Variants in MDK observed in about 807,000 individuals in gnomAD.
MDK encodes midkine, also known as amphiregulin-associated protein.
A neutral mutation model predicts 18.9 loss-of-function variants in MDK; 17 were observed. The ratio of observed to expected loss-of-function variants is 0.90; its 90% CI spans 0.62 to 1.35. The LOEUF (loss-of-function observed/expected upper bound fraction) is 1.35. Among genes scored for constraint, MDK ranks in the 40% most tolerant of loss-of-function variants. The pLI is 0.00. For synonymous variants in MDK, 86 were observed against 74.3 expected (o/e 1.16, Z -0.81); for missense variants, 180 against 186.3 (o/e 0.97, Z 0.20).
At chr11:46,381,424 G>A (rs1230921802), upstream of MDK, 1 of 152,424 alleles carries the variant, frequency 6.6e-6, no homozygotes, top group African/African-American at 2.4e-5. Context: ...GCCCGGGGTC[G>A]GGAGACCACC....
In MDK at chr11:46,382,068, G is replaced by C. The variant is rs79709296; in HGVS notation, c.11G>C (p.Arg4Pro). Reference sequence around the variant, plus strand: ...GGCTCTCCCCTCAGGATGCAGCACCGAGGCTTCCTCCTCCTCACCCTCCTC... The same window carrying C: ...GGCTCTCCCCTCAGGATGCAGCACCCAGGCTTCCTCCTCCTCACCCTCCTC... The part of the protein sequence containing the change: MQH[R>P]GFLLLTLLAL... The change falls in exon 2 of 5, where the codon CGA becomes CCA. Residue 4 changes from arginine to proline, a missense_variant. Arg to Pro is a moderately radical substitution (Grantham distance 103, BLOSUM62 -2). Transcript: ENST00000395566. The C allele has an allele frequency of 1.2e-6, 2 of 1,608,364 alleles. No homozygotes were observed. The highest frequency in any genetic ancestry group is 2.7e-5 in the African/African-American group (2 of 74,846).
chr11:46,381,084 A>C (rs1400684478), upstream of MDK: 2 of 152,290 alleles, frequency 1.3e-5, no homozygotes, highest in Admixed American at 1.3e-4. Context: ...CCGGAAAGGC[A>C]CTGGGCGACC....
intron 2 of MDK, 69 bp downstream of exon 2, chr11:46,382,202 G>T: frequency 6.2e-7 from 1 of 1,604,700 alleles, no homozygotes; most frequent in Non-Finnish European, 8.5e-7. Flanking sequence ...GGGCTGGGCC[G>T]CCTGGGTTCC....
At chr11:46,383,140 G>T (rs115118803) in intron 4 of MDK, 12 of 413,732 alleles carry the variant, frequency 2.9e-5, no homozygotes, top group African/African-American at 4.0e-5. Context: ...CAGCTCACTC[G>T]TGACTCAGCC....
In MDK at chr11:46,381,720, C is replaced by T. The variant is rs1006151730; in HGVS notation, c.-40C>T. 1.3e-4 allele frequency: 22 copies of T among 173,066 alleles called. No homozygotes were observed. Among genetic ancestry groups the T allele is most frequent in the African/African-American group, 5.2e-4 (21 of 40,172 alleles). 10.7% of individuals were successfully genotyped at this position (173,066 alleles called of 1,614,324 possible). On this transcript the variant is annotated 5_prime_UTR_variant, in exon 1 of 5. Transcript: ENST00000395566. ...CGCGGCGGCCGGAGCGGGACGGGCC[C>T]GGCGCGGGAGGGAGCGAAGCAGCGC...
Position 46,382,704 on chromosome 11 carries a change from G to C in MDK, c.362G>C (p.Arg121Pro), listed in dbSNP as rs779539645. The part of the protein sequence containing the change: ...RYNAQCQETI[R>P]VTKPCTPKTK... ...AATGCTCAGTGCCAGGAGACCATCC[G>C]CGTCACCAAGCCCTGCACCCCCAAG... The change falls in exon 4 of 5, where the codon CGC becomes CCC. Residue 121 changes from arginine (R) to proline (P), a missense_variant. Transcript: ENST00000395566. 6.2e-7 allele frequency: 1 copy of C among 1,611,904 alleles called. No individual in the cohort carries two copies. Among genetic ancestry groups the C allele is most frequent in the Admixed American group, 1.7e-5 (1 of 59,780 alleles).
Position 46,382,581 on chromosome 11 carries a change from C to T in MDK, c.245-6C>T, listed in dbSNP as rs971229303. 4.4e-6 allele frequency: 7 copies of T among 1,605,816 alleles called. No individual in the cohort carries two copies. In the African/African-American group the frequency reaches 5.3e-5, roughly 12 times the overall value. ...GCAGCGCTGACCTGGGCCGCTCTCT[C>T]GCCAGCCGACTGCAAGTACAAGTTT... On this transcript the variant is annotated splice_polypyrimidine_tract_variant and splice_region_variant and intron_variant, in intron 3 of 4. Transcript: ENST00000395566.
At chr11:46,382,805 C>T (rs1245842783) in intron 4 of MDK, 57 bp downstream of exon 4, 16 of 1,478,538 alleles carry the variant, frequency 1.1e-5, no homozygotes, top group South Asian at 1.2e-5. Context: ...CCCCCCCCCC[C>T]GCCTGTGAGG....
Position 46,382,588 on chromosome 11 carries a change from C to T in MDK, c.246C>T (p.Ala82=), listed in dbSNP as rs770464409. The part of the protein sequence containing the change: ...VPCNWKKEFG[A]DCKYKFENWG... Reference sequence around the variant, plus strand: ...TGACCTGGGCCGCTCTCTCGCCAGCCGACTGCAAGTACAAGTTTGAGAACT... The same window carrying T: ...TGACCTGGGCCGCTCTCTCGCCAGCTGACTGCAAGTACAAGTTTGAGAACT... The change falls in exon 4 of 5, where the codon GCC becomes GCT. Residue 82 remains alanine (A), a splice_region_variant and synonymous_variant. Transcript: ENST00000395566. 13 of 1,608,446 alleles carry T rather than the reference C, an allele frequency of 8.1e-6. No homozygotes were observed. The highest frequency in any genetic ancestry group is 1.1e-5 in the South Asian group (1 of 90,602).
chr11:46,382,621 G>A lies in MDK; in HGVS notation c.279G>A (p.Ala93=), dbSNP rs764089666. 4.8e-5 allele frequency: 78 copies of A among 1,612,406 alleles called. No homozygotes were observed. The highest frequency in any genetic ancestry group is 6.8e-6 in the Non-Finnish European group (8 of 1,179,698). Residue 93 remains alanine, a synonymous_variant, in exon 4 of 5, where the codon GCG becomes GCA. Transcript: ENST00000395566. ...AGTACAAGTTTGAGAACTGGGGTGC[G>A]TGTGATGGGGGCACAGGCACCAAAG... ...DCKYKFENWG[A]CDGGTGTKVR...
At chr11:46,381,975 C>G in intron 1 of MDK, 82 bp from the exon 2 acceptor site, 1 of 1,418,440 alleles carries the variant, frequency 7.1e-7, no homozygotes, top group Non-Finnish European at 9.6e-7. Context: ...AAGTGGAGCA[C>G]GCGGAGGTGG....
At chr11:46,381,992 C>G in intron 1 of MDK, 65 bp from the exon 2 acceptor site, 1 of 1,512,388 alleles carries the variant, frequency 6.6e-7, no homozygotes, top group Non-Finnish European at 9.0e-7. Flanking sequence ...GTGGGAGGGC[C>G]CTGCACGCGG....
At position 46,382,400 on chromosome 11, in the gene MDK, C is replaced by T. The variant is rs758418356; in HGVS notation, c.183C>T (p.Cys61=). 8 of 1,556,632 alleles carry T rather than the reference C, an allele frequency of 5.1e-6. No homozygotes were observed. The highest frequency in any genetic ancestry group is 6.1e-6 in the Non-Finnish European group (7 of 1,153,524). Residue 61 remains cysteine, a synonymous_variant, in exon 3 of 5, where the codon TGC becomes TGT. Transcript: ENST00000395566. ...GCGTGGGTTTCCGCGAGGGCACCTG[C>T]GGGGCCCAGACCCAGCGCATCCGGT... ...DCGVGFREGT[C]GAQTQRIRCR... is the part of the protein sequence containing the mutation.
Position 46,382,620 on chromosome 11 carries a change from C to T in MDK, c.278C>T (p.Ala93Val). 1 of 1,612,364 alleles carries T rather than the reference C, an allele frequency of 6.2e-7. No homozygotes were observed. The highest frequency in any genetic ancestry group is 8.5e-7 in the Non-Finnish European group (1 of 1,179,648). ...AAGTACAAGTTTGAGAACTGGGGTG[C>T]GTGTGATGGGGGCACAGGCACCAAA... is the stretch of plus-strand genomic sequence containing the variant. Reference protein sequence around the residue: ...DCKYKFENWGACDGGTGTKVR... With the variant: ...DCKYKFENWGVCDGGTGTKVR... Residue 93 changes from alanine (A) to valine (V), a missense_variant, in exon 4 of 5, where the codon GCG (alanine) becomes GTG (valine). Coordinates refer to ENST00000395566, the MANE Select transcript of MDK (RefSeq NM_002391.6).
In MDK at chr11:46,382,790, G is replaced by GCC. The variant is rs74916763; in HGVS notation, c.406+56_406+57dup. 1.2e-3 allele frequency: 1,169 copies of GCC among 986,668 alleles called. 3 individuals are homozygous for GCC. Among genetic ancestry groups the GCC allele is most frequent in the South Asian group, 4.9e-3 (281 of 57,552 alleles). 61.1% of individuals were successfully genotyped at this position (986,668 alleles called of 1,614,324 possible). A position where few individuals can be genotyped will look rare whatever the true frequency, so the allele number is the denominator to read the frequency against. On this transcript the variant is annotated intron_variant, in intron 4 of 4. Transcript: ENST00000395566. The stretch of plus-strand genomic sequence containing the variant: ...GGGGGTGGGGCTGTCGCGGGGGGCT[G>GCC]CCCCCCCCCCCCCCCGCCTGTGAGG...
At chr11:46,382,803 C>G (rs1270538278) in intron 4 of MDK, 55 bp downstream of exon 4, 50 of 1,481,086 alleles carry the variant, frequency 3.4e-5, no homozygotes, top group African/African-American at 9.9e-5. Context: ...CCCCCCCCCC[C>G]CCGCCTGTGA....
chr11:46,382,499 G>A lies in MDK; in HGVS notation c.244+38G>A, dbSNP rs552093574. On this transcript the variant is annotated intron_variant, in intron 3 of 4. Coordinates refer to ENST00000395566, the MANE Select transcript of MDK (RefSeq NM_002391.6). ...GCAGTCAGAGGGCAGGAGACGGGGG[G>A]CACAGCCTCGCCGAAGCCTGGGCGG... The A allele has an allele frequency of 1.1e-5, 17 of 1,530,246 alleles. No individual in the cohort carries two copies. In the East Asian group the frequency reaches 1.9e-4, roughly 17 times the overall value. 94.8% of individuals were successfully genotyped at this position (1,530,246 alleles called of 1,614,324 possible).
At chr11:46,382,790 G>GGGGGGGGGC (rs1945254785) in intron 4 of MDK, 42 bp downstream of exon 4, 348 of 986,722 alleles carry the variant, frequency 3.5e-4, no homozygotes, top group East Asian at 1.7e-3. Context: ...GCGGGGGGCT[G>GGGGGGGGGC]CCCCCCCCCC....
At chr11:46,382,879 C>G in intron 4 of MDK, 131 bp downstream of exon 4, 1 of 1,051,646 alleles carries the variant, frequency 9.5e-7, no homozygotes, top group Non-Finnish European at 1.4e-6. Context: ...CATCGCCTCA[C>G]TTGGCTTCCC....
Sources: gnomAD v4.1 joint callset for allele counts on GRCh38, gnomAD v4.1.1 for gene constraint, MANE v1.5 for transcripts, NCBI Gene and HGNC (gene_info 2026-07-23, HGNC 2026-07-21) for gene names.